The following TTC34 variants were observed in gnomAD, a reference collection of about 807,000 sequenced individuals.
TTC34 encodes tetratricopeptide repeat domain 34.
A neutral mutation model predicts 40.7 loss-of-function variants in TTC34; 44 were observed. That is an observed-to-expected ratio of 1.08 (90% CI 0.85 to 1.39). The LOEUF is 1.39. TTC34 is among the 40% of genes most tolerant of loss of function. The probability of loss-of-function intolerance (pLI) is 0.00; values close to 1 mark genes in which losing one functional copy is unlikely to be tolerated. For missense variants in TTC34, 884 were observed against 838.0 expected (o/e 1.05, Z -0.68); for synonymous variants, 422 against 398.6 (o/e 1.06, Z -0.70).
exon 2 of TTC34, chr1:2,800,324 G>C (rs564615067): frequency 1.3e-5 from 5 of 398,442 alleles, no homozygotes; most frequent in Non-Finnish European, 2.2e-5. Context: ...TCCGGTCGGC[G>C]CTGGAGGCGA....
chr1:2,645,664 A>G lies in TTC34; in HGVS notation c.2227-101T>C. ...CTGGCTCTGTCTTTCTCATTCCCTG[A>G]TCTTCTCCCTGGGGTCCTAGAGGGT... On this transcript the variant is annotated intron_variant, in intron 6 of 8. Transcript: ENST00000401095. This position sits in a 1 kb window ranked among gnomAD's most constrained non-coding sequence, Gnocchi z 4.7. 4 of 1,266,994 alleles carry G rather than the reference A, an allele frequency of 3.2e-6. No homozygotes were observed. Among genetic ancestry groups the G allele is most frequent in the Non-Finnish European group, 4.1e-6 (4 of 966,644 alleles). The allele number at this position is 1,266,994 out of a possible 1,614,324, so 78.5% of individuals were successfully genotyped here.
At chr1:2,687,734 T>C (rs1207181071) in intron 6 of TTC34, among the ~76,000 whole-genome samples, 9 of 127,716 alleles carry the variant, frequency 7.0e-5, no homozygotes, top group South Asian at 2.7e-4. Flanking sequence ...CACCCCCAGG[T>C]GAACATCCGA....
In TTC34 at chr1:2,646,240, A is replaced by G. The variant is rs564000839; in HGVS notation, c.2227-677T>C. On this transcript the variant is annotated intron_variant, in intron 6 of 8. Transcript: ENST00000401095. Reference sequence around the variant, plus strand: ...AGCTCCCAGGTGAGCACCCTACCACAGTCTATGTACAGTTAATATGGGGCC... The same window carrying G: ...AGCTCCCAGGTGAGCACCCTACCACGGTCTATGTACAGTTAATATGGGGCC... Among the ~76,000 whole-genome samples, 5 of 152,326 alleles carry G rather than the reference A, an allele frequency of 3.3e-5. No individual in the cohort carries two copies. In the South Asian group the frequency reaches 8.3e-4, roughly 25 times the overall value.
chr1:2,749,032 G>A (rs1641233735), intron 6 of TTC34, among the ~76,000 whole-genome samples: 3 of 149,692 alleles, frequency 2.0e-5, no homozygotes, highest in African/African-American at 4.9e-5. Flanking sequence ...GCCTGGAACA[G>A]CACCCACACC....
At chr1:2,777,890 C>T (rs542762196) in intron 6 of TTC34, among the ~76,000 whole-genome samples, 120 of 152,290 alleles carry the variant, frequency 7.9e-4, no homozygotes, top group African/African-American at 2.8e-3. Context: ...GAGGAGGTTC[C>T]GGCACCTGTA....
At chr1:2,652,083 C>T (rs375331999) in intron 6 of TTC34, among the ~76,000 whole-genome samples, 6 of 28,656 alleles carry the variant, frequency 2.1e-4, no homozygotes, top group Non-Finnish European at 3.2e-4. Context: ...AGCACCCACA[C>T]CCCCAGGTGA....
At chr1:2,764,333 C>A (rs1252789392) in intron 6 of TTC34, among the ~76,000 whole-genome samples, 1 of 140,142 alleles carries the variant, frequency 7.1e-6, no homozygotes, top group East Asian at 2.3e-4. Context: ...CCTGGAGCAG[C>A]GCCCACACCC....
At chr1:2,801,209 A>G (rs1643768465) in intron 1 of TTC34, among the ~76,000 whole-genome samples, 1 of 152,010 alleles carries the variant, frequency 6.6e-6, no homozygotes. Flanking sequence ...GGGCCCAGCA[A>G]TAGGAACCCC....
intron 6 of TTC34, among the ~76,000 whole-genome samples, chr1:2,764,267 G>C (rs1416455721): frequency 2.9e-4 from 43 of 149,232 alleles, no homozygotes; most frequent in Admixed American, 2.9e-3. Context: ...CACACCCCCA[G>C]GCGAGCATCT....
chr1:2,789,563 G>T lies in TTC34; in HGVS notation c.1568C>A (p.Pro523Gln), dbSNP rs898586573. The T allele has an allele frequency of 6.1e-6, 9 of 1,487,564 alleles. No homozygotes were observed. Among genetic ancestry groups the T allele is most frequent in the Non-Finnish European group, 8.0e-6 (9 of 1,122,194 alleles). 92.1% of individuals were successfully genotyped at this position (1,487,564 alleles called of 1,614,324 possible). Residue 523 changes from proline to glutamine, a missense_variant, in exon 3 of 9, where the codon CCG (proline) becomes CAG (glutamine). Transcript: ENST00000401095. ...CTCCCTCCGGCCCTGCGCTCTGGAC[G>T]GCCCGGCGCGTGGAGATCGCTGCAG...
At chr1:2,688,587 G>A (rs1477150228) in intron 6 of TTC34, among the ~76,000 whole-genome samples, 5 of 139,256 alleles carry the variant, frequency 3.6e-5, no homozygotes, top group Non-Finnish European at 6.0e-5. Context: ...GCGCGCATCC[G>A]ACAGCCTGGA....
chr1:2,795,471 T>G (rs1643702525), intron 2 of TTC34, among the ~76,000 whole-genome samples: 1 of 152,174 alleles, frequency 6.6e-6, no homozygotes, highest in African/African-American at 2.4e-5. Flanking sequence ...CTCTCACTGG[T>G]CATGATTCCA....
intron 2 of TTC34, among the ~76,000 whole-genome samples, chr1:2,792,800 T>C (rs1643676516): frequency 6.6e-6 from 1 of 152,228 alleles, no homozygotes. Context: ...CCCTGAACTG[T>C]CCTGTGCTAC....
chr1:2,790,275 C>T (rs1257455325), exon 3 of TTC34: 2 of 398,356 alleles, frequency 5.0e-6, no homozygotes, highest in Non-Finnish European at 8.9e-6. Flanking sequence ...TTCCAAAACA[C>T]GTCCTGGGCC....
At chr1:2,672,138 T>G (rs1410949801) in intron 6 of TTC34, among the ~76,000 whole-genome samples, 4 of 105,796 alleles carry the variant, frequency 3.8e-5, no homozygotes, top group Admixed American at 2.0e-4. Flanking sequence ...ACAGCCTGGG[T>G]CGGCACCCAC....
chr1:2,697,526 AC>A (rs1476190789), intron 6 of TTC34, among the ~76,000 whole-genome samples: 1 of 23,274 alleles, frequency 4.3e-5, no homozygotes, highest in Non-Finnish European at 1.1e-4. Context: ...GCACCCACAC[AC>A]CCAGGCGAGC....
chr1:2,767,854 T>C (rs1438191590), intron 6 of TTC34, among the ~76,000 whole-genome samples: 71 of 132,962 alleles, frequency 5.3e-4, no homozygotes, highest in South Asian at 1.0e-3. Flanking sequence ...CACCCCCAGG[T>C]GTGCATCTGA....
At chr1:2,753,066 C>T (rs1641378027) in intron 6 of TTC34, among the ~76,000 whole-genome samples, 8 of 150,978 alleles carry the variant, frequency 5.3e-5, no homozygotes, top group South Asian at 2.1e-4. Flanking sequence ...CCCAGGTGAG[C>T]ATCTGACAGC....
At chr1:2,660,371 ACCTGGAG>A (rs1639503010) in intron 6 of TTC34, among the ~76,000 whole-genome samples, 1 of 102,990 alleles carries the variant, frequency 9.7e-6, no homozygotes, top group Non-Finnish European at 2.4e-5. Flanking sequence ...GCATCCGATG[ACCTGGAG>A]CAGCACCCAC....
Sources: gnomAD v4.1 joint callset for allele counts (sites outside exome capture counted in the v4.1 genomes callset) on GRCh38, gnomAD v4.1.1 for gene constraint, Gnocchi (gnomAD v3.1) non-coding constraint, MANE v1.5 for transcripts, NCBI Gene and HGNC (gene_info 2026-07-23, HGNC 2026-07-21) for gene names.